Variants in PHF21A observed in about 807,000 individuals in gnomAD.
The protein encoded by PHF21A is BHC80a.
PHF21A carries 11 observed loss-of-function variants against 82.5 expected under a neutral mutation model. The ratio of observed to expected loss-of-function variants is 0.13; its 90% CI spans 0.08 to 0.22. The LOEUF is 0.22. PHF21A is among the 10% of genes least tolerant of loss of function. PHF21A has a pLI of 1.00. For missense variants in PHF21A, 579 were observed against 837.8 expected, an observed-to-expected ratio of 0.69 and a Z score of 3.81; for synonymous variants, 297 against 302.8, an observed-to-expected ratio of 0.98 and a Z score of 0.20.
chr11:46,080,830 G>C (rs984412665), intron 4 of PHF21A, among the ~76,000 whole-genome samples: 1 of 151,400 alleles, frequency 6.6e-6, no homozygotes, highest in African/African-American at 2.4e-5. Flanking sequence ...ACCATATCCA[G>C]CATTTTTTTT....
intron 6 of PHF21A, among the ~76,000 whole-genome samples, chr11:46,000,924 AAAATAAATAAATAAAT>A (rs534848999): frequency 6.6e-6 from 1 of 151,664 alleles, no homozygotes; most frequent in African/African-American, 2.4e-5. Flanking sequence ...CCGTCTCAAA[AAAATAAATAAATAAAT>A]AAATAAATAA....
chr11:46,070,881 A>G (rs2096649149), intron 6 of PHF21A, among the ~76,000 whole-genome samples: 1 of 152,240 alleles, frequency 6.6e-6, no homozygotes, highest in Non-Finnish European at 1.5e-5. Flanking sequence ...CTTCCAAATT[A>G]GCAGAGTGCT....
At chr11:46,050,471 C>T (rs1053581918) in intron 6 of PHF21A, among the ~76,000 whole-genome samples, 6 of 151,996 alleles carry the variant, frequency 3.9e-5, no homozygotes, top group African/African-American at 9.7e-5. Context: ...CCATAGCTGC[C>T]GAATCACAGA....
At chr11:45,984,536 T>C (rs1193655784) in intron 6 of PHF21A, among the ~76,000 whole-genome samples, 4 of 152,174 alleles carry the variant, frequency 2.6e-5, no homozygotes, top group African/African-American at 9.7e-5. Flanking sequence ...GCAAGACAGA[T>C]CCTGAAGAAA....
At chr11:46,046,034 A>G (rs1416501527) in intron 6 of PHF21A, among the ~76,000 whole-genome samples, 1 of 152,250 alleles carries the variant, frequency 6.6e-6, no homozygotes, top group Non-Finnish European at 1.5e-5. Flanking sequence ...TTATCTTCAG[A>G]AATGCAATTC....
At chr11:46,054,261 A>T (rs920825562) in intron 6 of PHF21A, among the ~76,000 whole-genome samples, 3 of 152,162 alleles carry the variant, frequency 2.0e-5, no homozygotes, top group Admixed American at 6.6e-5. Flanking sequence ...TATGATAGTA[A>T]CCCTTGAAAA....
At position 45,934,003 on chromosome 11, in the gene PHF21A, T is replaced by C; in HGVS notation, c.2011A>G (p.Thr671Ala). 1.2e-6 allele frequency: 2 copies of C among 1,602,026 alleles called. No homozygotes were observed. Among genetic ancestry groups the C allele is most frequent in the Non-Finnish European group, 1.7e-6 (2 of 1,174,288 alleles). Residue 671 changes from threonine (T) to alanine (A), a missense_variant, in exon 19 of 19, where the codon ACA becomes GCA. Transcript: ENST00000676320. ...TCTTCCCCCTGGTTACAGTTCGCTG[T>C]GCAGCTCTGGGAGGAGGGGGAAGGG... ...PAPSPSSQSCTANCNQGEETK is the reference protein window; with the variant it reads ...PAPSPSSQSCAANCNQGEETK
At chr11:46,016,598 A>G (rs981434625) in intron 6 of PHF21A, among the ~76,000 whole-genome samples, 2 of 152,066 alleles carry the variant, frequency 1.3e-5, no homozygotes, top group Non-Finnish European at 2.9e-5. Context: ...TCCCTTCTCT[A>G]TATTCAAAGA....
intron 15 of PHF21A, among the ~76,000 whole-genome samples, chr11:45,942,688 C>A (rs937878926): frequency 2.6e-5 from 4 of 152,200 alleles, no homozygotes; most frequent in South Asian, 2.1e-4. Flanking sequence ...GAACAGAATT[C>A]TTCTATGACC....
intron 6 of PHF21A, among the ~76,000 whole-genome samples, chr11:46,018,033 G>A (rs949364023): frequency 3.3e-5 from 5 of 151,942 alleles, no homozygotes; most frequent in African/African-American, 1.2e-4. Context: ...GGCGGATCAC[G>A]AGGTCAGGAG....
At chr11:46,022,243 A>C (rs995024789) in intron 6 of PHF21A, among the ~76,000 whole-genome samples, 1 of 152,152 alleles carries the variant, frequency 6.6e-6, no homozygotes, top group African/African-American at 2.4e-5. Flanking sequence ...ACTTGAGATC[A>C]TGAGTTCAAG....
intron 10 of PHF21A, among the ~76,000 whole-genome samples, chr11:45,955,638 G>A (rs1349330330): frequency 6.6e-6 from 1 of 152,128 alleles, no homozygotes; most frequent in East Asian, 1.9e-4. Flanking sequence ...TCTCTCTCAT[G>A]CAAGAAAAAG....
rs1248395969 is a variant in PHF21A, at chr11:46,078,575, ATT to A, written c.87+557_87+558del. ...TATGAGAATTTAAAGAAAAGTTAAC[ATT>A]CTCTGTTAATTTTTCTGTTAGAAAG... On this transcript the variant is annotated intron_variant, in intron 5 of 18. Coordinates refer to ENST00000676320, the MANE Select transcript of PHF21A (RefSeq NM_001352027.3). 1.3e-5 allele frequency among the ~76,000 whole-genome samples: 2 copies of A among 152,150 alleles called. 1 individual carries two copies. The highest frequency in any genetic ancestry group is 2.9e-5 in the Non-Finnish European group (2 of 67,980).
At chr11:46,092,581 C>T (rs2096937925) in intron 1 of PHF21A, among the ~76,000 whole-genome samples, 1 of 152,136 alleles carries the variant, frequency 6.6e-6, no homozygotes, top group Non-Finnish European at 1.5e-5. Context: ...AGTTGTTTTA[C>T]ATTAACAAAT....
chr11:46,037,390 C>T, intron 6 of PHF21A, among the ~76,000 whole-genome samples: 1 of 152,118 alleles, frequency 6.6e-6, no homozygotes, highest in Non-Finnish European at 1.5e-5. Flanking sequence ...GCCTGTGATC[C>T]CAGCACTTTG....
chr11:45,953,594 T>G lies in PHF21A; in HGVS notation c.1028A>C (p.Lys343Thr). 6.2e-7 allele frequency: 1 copy of G among 1,613,890 alleles called. No individual in the cohort carries two copies. The highest frequency in any genetic ancestry group is 8.5e-7 in the Non-Finnish European group (1 of 1,179,794). ...TVKSHTETDE[K>T]QTESRTITPP... is the part of the protein sequence containing the mutation. ...GGTGATGGTGCGGCTCTCTGTTTGT[T>G]TCTCATCTGTTTCTGTGTGAGATTT... Residue 343 changes from lysine to threonine, a missense_variant, in exon 11 of 19, where the codon AAA becomes ACA. Physicochemically the swap from Lys to Thr is moderately conservative, Grantham distance 78. This residue lies in a region of PHF21A where 410 missense variants were observed against 642.1 expected (regional missense o/e 0.64). Transcript: ENST00000676320.
At chr11:46,013,565 A>G (rs2095453989) in intron 6 of PHF21A, among the ~76,000 whole-genome samples, 1 of 152,226 alleles carries the variant, frequency 6.6e-6, no homozygotes, top group Non-Finnish European at 1.5e-5. Context: ...CCCCATCTAA[A>G]GTAGACACAG....
chr11:45,981,749 C>T (rs1193915737), intron 6 of PHF21A, among the ~76,000 whole-genome samples: 1 of 152,062 alleles, frequency 6.6e-6, no homozygotes, highest in African/African-American at 2.4e-5. Flanking sequence ...TTCTCAAATG[C>T]CTGCTTATGG....
chr11:46,071,741 A>G (rs1041021258), intron 6 of PHF21A, among the ~76,000 whole-genome samples: 10 of 152,322 alleles, frequency 6.6e-5, no homozygotes, highest in African/African-American at 2.2e-4. Context: ...GCCAAAAAAA[A>G]AAACTGGAAA....
Sources: gnomAD v4.1 joint callset for allele counts (sites outside exome capture counted in the v4.1 genomes callset) on GRCh38, gnomAD v4.1.1 for gene constraint, gnomAD v4.1.1 regional missense constraint, MANE v1.5 for transcripts, NCBI Gene and HGNC (gene_info 2026-07-23, HGNC 2026-07-21) for gene names.